The following RBM17 variants were observed in gnomAD, a reference collection of about 807,000 sequenced individuals.
RBM17 encodes the protein splicing factor 45.
Under a neutral mutation model 53.2 loss-of-function variants are expected in RBM17, and 7 were observed. The ratio of observed to expected loss-of-function variants is 0.13; its 90% CI spans 0.07 to 0.25. The LOEUF is 0.25. Among genes scored for constraint, RBM17 ranks in the 10% least tolerant of loss-of-function variants. RBM17 has a pLI of 1.00. For missense variants in RBM17, 257 were observed against 496.7 expected (o/e 0.52, Z 4.59); for synonymous variants, 167 against 178.1 (o/e 0.94, Z 0.50).
intron 1 of RBM17, among the ~76,000 whole-genome samples, chr10:6,090,927 A>G (rs956258030): frequency 6.7e-6 from 1 of 149,904 alleles, no homozygotes; most frequent in African/African-American, 2.5e-5. Context: ...TTTAAGCTGT[A>G]TTTTTTGCGG....
At chr10:6,103,396 T>G (rs1588347169) in intron 3 of RBM17, among the ~76,000 whole-genome samples, 1 of 152,310 alleles carries the variant, frequency 6.6e-6, no homozygotes, top group South Asian at 2.1e-4. Context: ...TATGTAAAAG[T>G]TTTTTTCTTT....
intron 3 of RBM17, among the ~76,000 whole-genome samples, chr10:6,102,545 A>G (rs996243524): frequency 1.3e-5 from 2 of 152,158 alleles, no homozygotes; most frequent in African/African-American, 4.8e-5. Flanking sequence ...TTTGATACCT[A>G]GTTTATTCCT....
intron 5 of RBM17, among the ~76,000 whole-genome samples, chr10:6,107,236 G>T (rs1291780426): frequency 6.6e-6 from 1 of 152,302 alleles, no homozygotes; most frequent in East Asian, 1.9e-4. Context: ...GAGTGCAGTG[G>T]TGCAATCTCG....
chr10:6,098,291 G>A (rs567319917), intron 2 of RBM17, among the ~76,000 whole-genome samples: 1 of 152,230 alleles, frequency 6.6e-6, no homozygotes, highest in African/African-American at 2.4e-5. Flanking sequence ...ATGTGCGGGA[G>A]AAAATTTAGT....
chr10:6,097,806 T>C (rs1840598185), intron 2 of RBM17, among the ~76,000 whole-genome samples: 1 of 152,244 alleles, frequency 6.6e-6, no homozygotes, highest in African/African-American at 2.4e-5. Context: ...TTACTCCTGA[T>C]ATTCTGGTAA....
intron 3 of RBM17, among the ~76,000 whole-genome samples, chr10:6,103,926 C>T (rs926402048): frequency 2.6e-5 from 4 of 152,060 alleles, no homozygotes; most frequent in East Asian, 3.9e-4. Flanking sequence ...ACAGACTGGG[C>T]GCTCAAGGAC....
intron 5 of RBM17, among the ~76,000 whole-genome samples, chr10:6,107,774 G>A (rs573446559): frequency 5.9e-5 from 9 of 152,188 alleles, no homozygotes; most frequent in Middle Eastern, 3.4e-3. Context: ...GAACCACTGC[G>A]TCCAGCCAGA....
intron 1 of RBM17, among the ~76,000 whole-genome samples, chr10:6,095,690 G>A (rs1383016802): frequency 6.6e-6 from 1 of 152,210 alleles, no homozygotes; most frequent in Non-Finnish European, 1.5e-5. Context: ...AAAAAGTGGT[G>A]ACAGTTTTCT....
At chr10:6,093,616 A>G (rs984035450) in intron 1 of RBM17, among the ~76,000 whole-genome samples, 1 of 152,242 alleles carries the variant, frequency 6.6e-6, no homozygotes, top group Non-Finnish European at 1.5e-5. Flanking sequence ...TCGAAGTTTA[A>G]TGGGCATTTG....
chr10:6,096,668 G>A (rs1480348744), intron 1 of RBM17, among the ~76,000 whole-genome samples: 1 of 152,068 alleles, frequency 6.6e-6, no homozygotes. Context: ...ACATCAACCT[G>A]CTAATTGGTG....
At chr10:6,111,569 A>AACT (rs1840837841) in intron 7 of RBM17, among the ~76,000 whole-genome samples, 1 of 152,140 alleles carries the variant, frequency 6.6e-6, no homozygotes, top group African/African-American at 2.4e-5. Context: ...TGAACTCCTG[A>AACT]CCTCAGGTGA....
At chr10:6,091,159 A>C (rs963427895) in intron 1 of RBM17, among the ~76,000 whole-genome samples, 1 of 151,680 alleles carries the variant, frequency 6.6e-6, no homozygotes, top group Admixed American at 6.6e-5. Flanking sequence ...CCCAGGTTCA[A>C]ATGGTTCTCT....
At chr10:6,095,159 C>T (rs1485908672) in intron 1 of RBM17, among the ~76,000 whole-genome samples, 1 of 152,158 alleles carries the variant, frequency 6.6e-6, no homozygotes, top group Admixed American at 6.5e-5. Context: ...CAGTTTTGCA[C>T]TGAAGACATC....
In RBM17 at chr10:6,116,552, C is replaced by T. The variant is rs968703863; in HGVS notation, c.*996C>T. ...AAAAAGAAAACAAAAATATTTGGTA[C>T]TGAGGTTCATTGCCAGGGCAGGAGG... On this transcript the variant is annotated 3_prime_UTR_variant, in exon 12 of 12. Transcript: ENST00000379888. 3 of 152,306 alleles carry T rather than the reference C, an allele frequency of 2.0e-5. No individual in the cohort carries two copies. Among genetic ancestry groups the T allele is most frequent in the Admixed American group, 6.5e-5 (1 of 15,278 alleles). The allele number at this position is 152,306 out of a possible 1,614,324, so 9.4% of individuals were successfully genotyped here. A position where few individuals can be genotyped will look rare whatever the true frequency, so the allele number is the denominator to read the frequency against.
chr10:6,110,237 G>T, intron 7 of RBM17, 110 bp downstream of exon 7: 1 of 1,004,404 alleles, frequency 1.0e-6, no homozygotes, highest in Non-Finnish European at 1.4e-6. Flanking sequence ...GACCCTTGGT[G>T]TGTGCAGGTC....
At position 6,115,221 on chromosome 10, in the gene RBM17, G is replaced by T; in HGVS notation, c.1030-18G>T. On this transcript the variant is annotated intron_variant, in intron 10 of 11. Coordinates refer to ENST00000379888, the MANE Select transcript of RBM17 (RefSeq NM_032905.5). ...AATCTCAAATGCCTTTACTCATCAC[G>T]CTCTCATTTTCTTCCAGATTCCTGG... The T allele has an allele frequency of 1.9e-6, 3 of 1,603,884 alleles. No individual in the cohort carries two copies. Among genetic ancestry groups the T allele is most frequent in the Non-Finnish European group, 1.7e-6 (2 of 1,175,000 alleles).
At chr10:6,108,443 G>T in intron 5 of RBM17, 1 of 491,822 alleles carries the variant, frequency 2.0e-6, no homozygotes, top group Non-Finnish European at 3.6e-6. Context: ...ACATTGTGGG[G>T]CTCTTGAGTT....
chr10:6,114,193 C>A, intron 10 of RBM17, 46 bp downstream of exon 10: 1 of 1,136,620 alleles, frequency 8.8e-7, no homozygotes, highest in Non-Finnish European at 1.3e-6. Flanking sequence ...TTGTAATTGG[C>A]ACATTACAAA....
chr10:6,109,445 A>G (rs1353437698), intron 6 of RBM17, among the ~76,000 whole-genome samples: 2 of 152,242 alleles, frequency 1.3e-5, no homozygotes, highest in Admixed American at 6.5e-5. Flanking sequence ...ATAAACCCCA[A>G]TTGAAACTAG....
Sources: allele counts gnomAD v4.1 joint callset (sites outside exome capture counted in the v4.1 genomes callset), GRCh38; gene constraint gnomAD v4.1.1; transcripts MANE v1.5; gene names NCBI Gene and HGNC (gene_info 2026-07-23, HGNC 2026-07-21).